The following PES1 variants were observed in gnomAD, a reference collection of about 807,000 sequenced individuals.
PES1 encodes pescadillo homolog.
A neutral mutation model predicts 77.1 loss-of-function variants in PES1; 31 were observed. The observed-to-expected ratio is 0.40, with a 90% CI of 0.30 to 0.54. The LOEUF (loss-of-function observed/expected upper bound fraction) is 0.54. PES1 is among the 20% of genes least tolerant of loss of function. The pLI, the probability that PES1 is intolerant of heterozygous loss-of-function variation, is 0.45. For missense variants in PES1, 658 were observed against 771.7 expected (o/e 0.85, Z 1.75); for synonymous variants, 282 against 303.0 (o/e 0.93, Z 0.72).
intron 1 of PES1, among the ~76,000 whole-genome samples, chr22:30,606,302 C>T (rs1348655886): frequency 1.3e-5 from 2 of 152,160 alleles, no homozygotes; most frequent in African/African-American, 4.8e-5. Context: ...GTAATCTTGG[C>T]TCACTGTAGC....
At chr22:30,581,141 A>C in intron 8 of PES1, 40 bp from the exon 9 acceptor site, 3 of 1,525,404 alleles carry the variant, frequency 2.0e-6, no homozygotes, top group South Asian at 1.2e-5. Context: ...GGGGGACCTC[A>C]TGCGGGCATG....
intron 3 of PES1, among the ~76,000 whole-genome samples, chr22:30,587,623 T>G (rs1450002180): frequency 6.6e-6 from 1 of 152,140 alleles, no homozygotes; most frequent in African/African-American, 2.4e-5. Context: ...GCACCCTTTT[T>G]GACAATGCAC....
rs2301954 is a variant in PES1, at chr22:30,577,038, G to A, written c.*8C>T. ...GCTGGCCTCAGCCCTGTGAGGGGCC[G>A]CAGGCACTCACTCCGGCCTTGCCTT... On this transcript the variant is annotated 3_prime_UTR_variant, in exon 15 of 15. Transcript: ENST00000354694. 26,542 of 1,611,010 alleles carry A rather than the reference G, an allele frequency of 0.016. 1,282 individuals carry two copies. The East Asian group carries it at 0.19, about 12-fold the overall frequency.
intron 1 of PES1, among the ~76,000 whole-genome samples, chr22:30,590,846 A>T (rs976633776): frequency 6.6e-6 from 1 of 152,048 alleles, no homozygotes; most frequent in Non-Finnish European, 1.5e-5. Context: ...GCTTTTAAAA[A>T]CTGTAACGAT....
chr22:30,591,239 A>T (rs752007764), intron 1 of PES1, among the ~76,000 whole-genome samples: 4 of 152,134 alleles, frequency 2.6e-5, no homozygotes, highest in Non-Finnish European at 2.9e-5. Context: ...ATCTTATCAG[A>T]TGCCATTCTT....
At chr22:30,599,196 C>T (rs1337075758) in intron 2 of PES1, among the ~76,000 whole-genome samples, 3 of 151,974 alleles carry the variant, frequency 2.0e-5, no homozygotes, top group African/African-American at 7.2e-5. Flanking sequence ...AGCGTCTGGC[C>T]TGACTCAAGT....
intron 4 of PES1, among the ~76,000 whole-genome samples, chr22:30,585,004 G>C (rs1335579447): frequency 6.6e-6 from 1 of 152,196 alleles, no homozygotes; most frequent in Non-Finnish European, 1.5e-5. Flanking sequence ...TGCGGATTTT[G>C]TGGTGCACGA....
Position 30,579,179 on chromosome 22 carries a change from CT to C in PES1, c.1478del (p.Glu493GlyfsTer19), listed in dbSNP as rs745573587. 1.2e-6 allele frequency: 2 copies of C among 1,608,666 alleles called. No individual in the cohort carries two copies. The highest frequency in any genetic ancestry group is 1.7e-6 in the Non-Finnish European group (2 of 1,179,588). ...GCTCTTCCAGGGCTGCCAGCCGGGC[CT>C]CTTCCTCCTTTTCTGAACCAGCCTC... is the stretch of plus-strand genomic sequence containing the variant. ...DAEAGSEKEE[E>X]ARLAALEEQR... On this transcript the variant is annotated frameshift_variant, in exon 13 of 15. Coordinates refer to ENST00000354694, the MANE Select transcript of PES1 (RefSeq NM_014303.4). LOFTEE classifies it high-confidence loss of function.
chr22:30,581,666 T>C lies in PES1; in HGVS notation c.631-22A>G, dbSNP rs370093388. On this transcript the variant is annotated intron_variant, in intron 6 of 14. Coordinates refer to ENST00000354694, the MANE Select transcript of PES1 (RefSeq NM_014303.4). ...GGTGCTGGGGAACACAAGAGATGCA[T>C]GAGCAGTGTGGGTGCAGGGATGGGG... The C allele has an allele frequency of 3.2e-5, 49 of 1,530,206 alleles. 1 individual carries two copies. The South Asian group carries it at 4.9e-4, about 15-fold the overall frequency. 94.8% of individuals were successfully genotyped at this position (1,530,206 alleles called of 1,614,324 possible).
At position 30,605,807 on chromosome 22, in the gene PES1, T is replaced by C. The variant is rs534343397; in HGVS notation, c.-717-290A>G. ...AAACAGACACACGTTGCTGTATTTA[T>C]TTATGTCAAGGGCTTGGTTTGTGAT... On this transcript the variant is annotated intron_variant, in intron 1 of 16. Coordinates refer to the PES1 transcript ENST00000402281. 8.5e-5 allele frequency among the ~76,000 whole-genome samples: 13 copies of C among 152,370 alleles called. No homozygotes were observed. In the East Asian group the frequency reaches 2.1e-3, roughly 25 times the overall value.
upstream of PES1, chr22:30,592,215 C>A: frequency 9.6e-7 from 1 of 1,036,318 alleles, no homozygotes; most frequent in Non-Finnish European, 1.2e-6. Context: ...GCGGTGCCTT[C>A]TGGGATGCAG....
At chr22:30,592,337 G>T (rs2087196075), upstream of PES1, 2 of 989,874 alleles carry the variant, frequency 2.0e-6, no homozygotes, top group South Asian at 4.6e-5. Context: ...GAGGGGCAGG[G>T]TGAGACTGCG....
rs746464235 is a variant in PES1, at chr22:30,581,406, G to A, written c.750C>T (p.Leu250=). Residue 250 remains leucine (L), a splice_region_variant and synonymous_variant, in exon 8 of 15, where the codon CTC becomes CTT. Transcript: ENST00000354694. ...TTGCCTCTGCTTGGGCCTGACCCTC[G>A]AGCTAGTAGGCAAAGGGAAGGTCAG... ...QLLNLHYPPK[L]EGQAQAEAKA... The A allele has an allele frequency of 6.8e-6, 11 of 1,613,484 alleles. No individual in the cohort carries two copies. Among genetic ancestry groups the A allele is most frequent in the South Asian group, 1.1e-5 (1 of 91,078 alleles).
chr22:30,580,203 C>A, intron 10 of PES1, 25 bp from the exon 11 acceptor site: 1 of 1,597,600 alleles, frequency 6.3e-7, no homozygotes, highest in Non-Finnish European at 8.5e-7. Context: ...AGAGCCCACA[C>A]GGGTACACAG....
intron 2 of PES1, among the ~76,000 whole-genome samples, chr22:30,601,469 T>C (rs2087353334): frequency 6.6e-6 from 1 of 151,922 alleles, no homozygotes; most frequent in Non-Finnish European, 1.5e-5. Flanking sequence ...TGAACCACCA[T>C]GTTTGGCTCA....
At chr22:30,599,895 T>C (rs1244378895) in intron 2 of PES1, among the ~76,000 whole-genome samples, 1 of 151,924 alleles carries the variant, frequency 6.6e-6, no homozygotes, top group African/African-American at 2.4e-5. Flanking sequence ...AGAAATTCCA[T>C]CTCAAAACAA....
chr22:30,606,988 C>T, exon 1 of PES1: 1 of 698,560 alleles, frequency 1.4e-6, no homozygotes, highest in Non-Finnish European at 2.0e-6. Context: ...AGGCATCAGG[C>T]CCTCTGCGCT....
chr22:30,592,053 A>G, upstream of PES1: 1 of 1,359,644 alleles, frequency 7.4e-7, no homozygotes, highest in Non-Finnish European at 9.4e-7. Context: ...CACTCTTTCC[A>G]GATCTTTCCC....
intron 1 of PES1, among the ~76,000 whole-genome samples, chr22:30,590,173 C>G (rs2087155913): frequency 6.6e-6 from 1 of 152,212 alleles, no homozygotes; most frequent in Admixed American, 6.5e-5. Flanking sequence ...CCTAAGAAGC[C>G]TATTGTCTTG....
Sources: gnomAD v4.1 joint callset for allele counts (sites outside exome capture counted in the v4.1 genomes callset) on GRCh38, gnomAD v4.1.1 for gene constraint, MANE v1.5 for transcripts, NCBI Gene and HGNC (gene_info 2026-07-23, HGNC 2026-07-21) for gene names.